The following NPR2 variants were observed in gnomAD, a reference collection of about 807,000 sequenced individuals.
NPR2 encodes the protein natriuretic peptide receptor 2, also known as atrial natriuretic peptide receptor 2.
NPR2 carries 49 observed loss-of-function variants against 120.7 expected under a neutral mutation model. The ratio of observed to expected loss-of-function variants is 0.41; its 90% CI spans 0.32 to 0.52. The LOEUF (loss-of-function observed/expected upper bound fraction) is 0.52. NPR2 is among the 20% of genes least tolerant of loss of function. NPR2 has a pLI of 0.36. For synonymous variants in NPR2, 484 were observed against 519.8 expected (o/e 0.93, Z 0.94); for missense variants, 931 against 1,362.9 (o/e 0.68, Z 4.99).
chr9:35,808,899 G>T lies in NPR2; in HGVS notation c.2986+46G>T, dbSNP rs1334202723. 3 of 1,207,230 alleles carry T rather than the reference G, an allele frequency of 2.5e-6. No homozygotes were observed. Among genetic ancestry groups the T allele is most frequent in the Middle Eastern group, 1.9e-4 (1 of 5,298 alleles). 74.8% of individuals were successfully genotyped at this position (1,207,230 alleles called of 1,614,324 possible). On this transcript the variant is annotated intron_variant, in intron 20 of 21. Coordinates refer to ENST00000342694, the MANE Select transcript of NPR2 (RefSeq NM_003995.4). This position sits in a 1 kb window ranked among gnomAD's most constrained non-coding sequence, Gnocchi z 4.0. ...CCCACTGTTGGCCTCAATTTATCTT[G>T]CCCTTTTCTTCTTTTCATAATCCCT...
In NPR2 at chr9:35,793,021, C is replaced by G. The variant is rs1180840764; in HGVS notation, c.613C>G (p.Arg205Gly). Residue 205 changes from arginine to glycine, a missense_variant, in exon 1 of 22, where the codon CGA becomes GGA. Physicochemically the swap from Arg to Gly is moderately radical, Grantham distance 125. Coordinates refer to ENST00000342694, the MANE Select transcript of NPR2 (RefSeq NM_003995.4). ...NLSVQHQVYA[R>G]EPGGPEQATH... is the part of the protein sequence containing the mutation. ...CAGTGTGCAGCACCAGGTGTATGCC[C>G]GAGAGCCAGGGGGCCCCGAGCAGGC... is the stretch of plus-strand genomic sequence containing the variant. 8 of 1,609,274 alleles carry G rather than the reference C, an allele frequency of 5.0e-6. No individual in the cohort carries two copies. Among genetic ancestry groups the G allele is most frequent in the Non-Finnish European group, 6.8e-6 (8 of 1,177,388 alleles).
At position 35,801,543 on chromosome 9, in the gene NPR2, G is replaced by A. The variant is rs1828159616; in HGVS notation, c.1437-100G>A. On this transcript the variant is annotated intron_variant, in intron 7 of 21. Coordinates refer to ENST00000342694, the MANE Select transcript of NPR2 (RefSeq NM_003995.4). ...GCCCTGTCTCTCAGGTGTAACAGTT[G>A]CAGCTTCAGGAGCTGCAGGGAAGCC... 2.4e-6 allele frequency: 3 copies of A among 1,266,538 alleles called. No homozygotes were observed. The South Asian group carries it at 3.6e-5, about 15-fold the overall frequency. The allele number at this position is 1,266,538 out of a possible 1,614,324, so 78.5% of individuals were successfully genotyped here.
At position 35,806,730 on chromosome 9, in the gene NPR2, TC is replaced by T. The variant is rs767367588; in HGVS notation, c.2519+195del. Among the ~76,000 whole-genome samples, 176 of 152,240 alleles carry T rather than the reference TC, an allele frequency of 1.2e-3. No homozygotes were observed. The highest frequency in any genetic ancestry group is 1.8e-3 in the Non-Finnish European group (124 of 68,014). ...ATGCTGCCTTCTTACTGGCTGCCCATCCCTTCTTCTTAAGACCCTGCTCTAC... is the reference window on the plus strand; with the variant it reads ...ATGCTGCCTTCTTACTGGCTGCCCATCCTTCTTCTTAAGACCCTGCTCTAC... On this transcript the variant is annotated intron_variant, in intron 16 of 21. Coordinates refer to ENST00000342694, the MANE Select transcript of NPR2 (RefSeq NM_003995.4). The surrounding 1 kb of genome is among the most constrained non-coding windows in gnomAD (Gnocchi z 4.6).
intron 2 of NPR2, among the ~76,000 whole-genome samples, chr9:35,796,899 C>A (rs1827961541): frequency 6.6e-6 from 1 of 152,146 alleles, no homozygotes; most frequent in Non-Finnish European, 1.5e-5. Flanking sequence ...AGGTCCCAGA[C>A]CAGGCCAGCC....
chr9:35,801,225 G>T (rs1253255417), intron 7 of NPR2, 71 bp downstream of exon 7: 2 of 1,188,666 alleles, frequency 1.7e-6, no homozygotes, highest in Non-Finnish European at 2.5e-6. Flanking sequence ...GAAGCCAGGT[G>T]GTCCCTATAA....
Position 35,807,321 on chromosome 9 carries a change from C to T in NPR2, c.2644-9C>T, listed in dbSNP as rs776544364. 6.2e-7 allele frequency: 1 copy of T among 1,610,486 alleles called. No individual in the cohort carries two copies. The highest frequency in any genetic ancestry group is 1.7e-5 in the Admixed American group (1 of 60,018). ...AGTCTCAGGGCCTCTGCTTTTCTAT[C>T]CCTTTTAGGTAGTGACACTTCTTAA... is the stretch of plus-strand genomic sequence containing the variant. On this transcript the variant is annotated splice_polypyrimidine_tract_variant and intron_variant, in intron 17 of 21. Coordinates refer to ENST00000342694, the MANE Select transcript of NPR2 (RefSeq NM_003995.4).
rs770398818 is a variant in NPR2, at chr9:35,800,202, A to C, written c.1123+45A>C. The C allele has an allele frequency of 6.4e-7, 1 of 1,574,660 alleles. No homozygotes were observed. Among genetic ancestry groups the C allele is most frequent in the South Asian group, 1.1e-5 (1 of 90,232 alleles). ...GGGGGTCTGAGGGCTGATGTCAGGA[A>C]TAGAGTGGGCTGAAGAAGAAACAGA... is the stretch of plus-strand genomic sequence containing the variant. On this transcript the variant is annotated intron_variant, in intron 4 of 21. Coordinates refer to ENST00000342694, the MANE Select transcript of NPR2 (RefSeq NM_003995.4). This position sits in a 1 kb window ranked among gnomAD's most constrained non-coding sequence, Gnocchi z 4.7.
At chr9:35,799,825 C>G in intron 3 of NPR2, 94 bp downstream of exon 3, 1 of 1,410,060 alleles carries the variant, frequency 7.1e-7, no homozygotes, top group Non-Finnish European at 1.0e-6. Flanking sequence ...GTGGAGCAAG[C>G]CCAACTTTGG....
intron 7 of NPR2, 95 bp from the exon 8 acceptor site, chr9:35,801,548 T>C: frequency 7.4e-7 from 1 of 1,346,336 alleles, no homozygotes; most frequent in Non-Finnish European, 1.1e-6. Flanking sequence ...CAGTTGCAGC[T>C]TCAGGAGCTG....
In NPR2 at chr9:35,800,034, G is replaced by A. The variant is rs1296101280; in HGVS notation, c.1000G>A (p.Ala334Thr). 4 of 1,614,060 alleles carry A rather than the reference G, an allele frequency of 2.5e-6. No individual in the cohort carries two copies. The highest frequency in any genetic ancestry group is 3.4e-6 in the Non-Finnish European group (4 of 1,180,016). Residue 334 changes from alanine (A) to threonine (T), a missense_variant, in exon 4 of 22, where the codon GCT (alanine) becomes ACT (threonine). By Grantham distance (58) the Ala-to-Thr change is moderately conservative. Around this residue, in one of 3 missense-constraint regions of NPR2, gnomAD observed 681 missense variants for 974.3 expected, o/e 0.70. Coordinates refer to ENST00000342694, the MANE Select transcript of NPR2 (RefSeq NM_003995.4). The surrounding 1 kb of genome is among the most constrained non-coding windows in gnomAD (Gnocchi z 4.7). ...ELGPSLMNLI[A>T]GCFYDGILLY... ...TTGCCACCCCCAGATGAACCTCATC[G>A]CTGGCTGCTTCTATGATGGGATCCT...
In NPR2 at chr9:35,800,796, A is replaced by C. The variant is rs1419436726; in HGVS notation, c.1306A>C (p.Asn436His). ...GGTGAAGGGGGCTCCTCCCTCGGACAATCCCCCCTGTGCCTTTGACTTGGA... is the reference window on the plus strand; with the variant it reads ...GGTGAAGGGGGCTCCTCCCTCGGACCATCCCCCCTGTGCCTTTGACTTGGA... ...PWVKGAPPSD[N>H]PPCAFDLDDP... The change falls in exon 6 of 22, where the codon AAT becomes CAT. Residue 436 changes from asparagine (N) to histidine (H), a missense_variant. By Grantham distance (68) the Asn-to-His change is moderately conservative (BLOSUM62 1). Transcript: ENST00000342694. The surrounding 1 kb of genome is among the most constrained non-coding windows in gnomAD (Gnocchi z 4.7). 1 of 1,614,128 alleles carries C rather than the reference A, an allele frequency of 6.2e-7. No homozygotes were observed. The highest frequency in any genetic ancestry group is 2.2e-5 in the East Asian group (1 of 44,872).
rs748601422 is a variant in NPR2, at chr9:35,808,647, C to T, written c.2851C>T (p.His951Tyr). Residue 951 changes from histidine to tyrosine, a missense_variant, in exon 19 of 22, where the codon CAT becomes TAT. Physicochemically the swap from His to Tyr is moderately conservative, Grantham distance 83 (BLOSUM62 2). Transcript: ENST00000342694. This position sits in a 1 kb window ranked among gnomAD's most constrained non-coding sequence, Gnocchi z 4.0. ...VSSFRIRHRP[H>Y]DQLRLRIGVH... ...TTCCTTTCGCATCCGCCACCGACCC[C>T]ATGACCAGCTGAGGCTACGCATAGG... 6.2e-7 allele frequency: 1 copy of T among 1,614,214 alleles called. No homozygotes were observed. Among genetic ancestry groups the T allele is most frequent in the Non-Finnish European group, 8.5e-7 (1 of 1,180,036 alleles).
At chr9:35,797,647 G>A (rs530147118) in intron 2 of NPR2, among the ~76,000 whole-genome samples, 11 of 152,116 alleles carry the variant, frequency 7.2e-5, no homozygotes, top group Admixed American at 3.9e-4. Flanking sequence ...TCCACCTGGG[G>A]TCCACTGTGA....
At chr9:35,799,560 C>G in intron 2 of NPR2, 58 bp from the exon 3 acceptor site, 2 of 1,235,306 alleles carry the variant, frequency 1.6e-6, no homozygotes, top group Non-Finnish European at 2.4e-6. Flanking sequence ...TGCATCTTCT[C>G]TTCCCATAAT....
intron 7 of NPR2, 80 bp from the exon 8 acceptor site, chr9:35,801,563 G>A (rs1588059932): frequency 1.3e-6 from 2 of 1,515,982 alleles, no homozygotes; most frequent in East Asian, 2.3e-5. Flanking sequence ...GAGCTGCAGG[G>A]AAGCCCCTGC....
rs1181793338 is a variant in NPR2, at chr9:35,793,963, C to T, written c.733C>T (p.Leu245=). 6.2e-7 allele frequency: 1 copy of T among 1,614,060 alleles called. No individual in the cohort carries two copies. The highest frequency in any genetic ancestry group is 1.3e-5 in the African/African-American group (1 of 74,928). ...CCTGCTTCAGGCCCAGAGGGAGAATCTGACCAATGGGGATTATGTCTTCTT... is the reference window on the plus strand; with the variant it reads ...CCTGCTTCAGGCCCAGAGGGAGAATTTGACCAATGGGGATTATGTCTTCTT... ...EILLQAQREN[L]TNGDYVFFYL... is the part of the protein sequence containing the mutation. Residue 245 remains leucine (L), a synonymous_variant, in exon 2 of 22, where the codon CTG becomes TTG. Transcript: ENST00000342694.
In NPR2 at chr9:35,794,025, C is replaced by A. The variant is rs149886515; in HGVS notation, c.795C>A (p.Gly265=). 20 of 1,614,092 alleles carry A rather than the reference C, an allele frequency of 1.2e-5. No homozygotes were observed. The African/African-American group carries it at 2.7e-4, about 22-fold the overall frequency. ...LDVFGESLRA[G]PTRATGRPWQ... ...TCTTTGGGGAGAGTCTCCGTGCAGGCCCCACACGTGCTACAGGCCGGCCCT... is the reference window on the plus strand; with the variant it reads ...TCTTTGGGGAGAGTCTCCGTGCAGGACCCACACGTGCTACAGGCCGGCCCT... The change falls in exon 2 of 22, where the codon GGC becomes GGA. Residue 265 remains glycine, a synonymous_variant. Transcript: ENST00000342694.
Position 35,800,612 on chromosome 9 carries a change from G to C in NPR2, c.1219-97G>C. Reference sequence around the variant, plus strand: ...CTCTGCTGGCACTGCATCCTGGCTGGGTGGTAGGCTGGGGAGAAAAGCAGC... The same window carrying C: ...CTCTGCTGGCACTGCATCCTGGCTGCGTGGTAGGCTGGGGAGAAAAGCAGC... On this transcript the variant is annotated intron_variant, in intron 5 of 21. Coordinates refer to ENST00000342694, the MANE Select transcript of NPR2 (RefSeq NM_003995.4). This position sits in a 1 kb window ranked among gnomAD's most constrained non-coding sequence, Gnocchi z 4.7. 6.2e-7 allele frequency: 1 copy of C among 1,601,822 alleles called. No individual in the cohort carries two copies. Among genetic ancestry groups the C allele is most frequent in the Non-Finnish European group, 8.5e-7 (1 of 1,169,712 alleles).
Position 35,802,426 on chromosome 9 carries a change from T to A in NPR2, c.1711-77T>A. 1 of 970,188 alleles carries A rather than the reference T, an allele frequency of 1.0e-6. No homozygotes were observed. Among genetic ancestry groups the A allele is most frequent in the Non-Finnish European group, 1.7e-6 (1 of 593,026 alleles). 60.1% of individuals were successfully genotyped at this position (970,188 alleles called of 1,614,324 possible). Reference sequence around the variant, plus strand: ...GATACAACTAAGAGAAAGGTCCTCTTATGTAGTGGTAAGTTTCTGTATCTA... The same window carrying A: ...GATACAACTAAGAGAAAGGTCCTCTAATGTAGTGGTAAGTTTCTGTATCTA... On this transcript the variant is annotated intron_variant, in intron 10 of 21. Transcript: ENST00000342694. This position sits in a 1 kb window ranked among gnomAD's most constrained non-coding sequence, Gnocchi z 4.2.
Sources: allele counts gnomAD v4.1 joint callset (sites outside exome capture counted in the v4.1 genomes callset), GRCh38; gene constraint gnomAD v4.1.1; regional missense constraint gnomAD v4.1.1; non-coding constraint Gnocchi (gnomAD v3.1); transcripts MANE v1.5; gene names NCBI Gene and HGNC (gene_info 2026-07-23, HGNC 2026-07-21).